Variants in RALYL observed in about 807,000 individuals in gnomAD.
RALYL encodes the protein RNA-binding Raly-like protein.
A neutral mutation model predicts 35.1 loss-of-function variants in RALYL; 29 were observed. The ratio of observed to expected loss-of-function variants is 0.83; its 90% CI spans 0.61 to 1.13. RALYL has a LOEUF of 1.13. Among genes scored for constraint, RALYL ranks in the 50% most tolerant of loss-of-function variants. The probability of loss-of-function intolerance (pLI) is 0.00; values close to 1 mark genes in which losing one functional copy is unlikely to be tolerated. For missense variants in RALYL, 359 were observed against 360.4 expected (o/e 1.00, Z 0.03); for synonymous variants, 120 against 127.6 (o/e 0.94, Z 0.40).
intron 1 of RALYL, among the ~76,000 whole-genome samples, chr8:84,216,833 T>C (rs1586255025): frequency 6.6e-6 from 1 of 152,150 alleles, no homozygotes; most frequent in African/African-American, 2.4e-5. Flanking sequence ...GGCTACCAAA[T>C]TGGAAATAGC....
chr8:84,898,797 T>G (rs1845184346), intron 8 of RALYL, among the ~76,000 whole-genome samples: 1 of 152,186 alleles, frequency 6.6e-6, no homozygotes. Flanking sequence ...AACACCCACT[T>G]TTATTTCACT....
intron 1 of RALYL, among the ~76,000 whole-genome samples, chr8:84,213,433 A>G (rs1399271435): frequency 1.3e-5 from 2 of 152,224 alleles, no homozygotes; most frequent in Non-Finnish European, 2.9e-5. Flanking sequence ...TTAAAAAGCA[A>G]AAAAGAAAGT....
intron 4 of RALYL, among the ~76,000 whole-genome samples, chr8:84,849,726 T>TAAGGA (rs1835434514): frequency 6.6e-6 from 1 of 152,150 alleles, no homozygotes; most frequent in African/African-American, 2.4e-5. Context: ...TTAACTTATT[T>TAAGGA]ATTTTGCTAC....
At chr8:84,588,262 C>T (rs1812434381) in intron 2 of RALYL, among the ~76,000 whole-genome samples, 1 of 152,028 alleles carries the variant, frequency 6.6e-6, no homozygotes, top group Non-Finnish European at 1.5e-5. Context: ...CACCTTTTTG[C>T]CAAGCTGTGA....
chr8:84,650,973 A>G (rs944442428), intron 2 of RALYL, among the ~76,000 whole-genome samples: 5 of 152,018 alleles, frequency 3.3e-5, no homozygotes, highest in Admixed American at 6.6e-5. Context: ...TCACAAGAAC[A>G]AAAAACCAAA....
At chr8:84,707,906 C>T (rs936839724) in intron 2 of RALYL, among the ~76,000 whole-genome samples, 7 of 152,040 alleles carry the variant, frequency 4.6e-5, no homozygotes, top group African/African-American at 1.7e-4. Context: ...CAGGGCATTT[C>T]CATTTTCAGT....
intron 1 of RALYL, among the ~76,000 whole-genome samples, chr8:84,251,003 A>C (rs1281309832): frequency 6.6e-6 from 1 of 152,088 alleles, no homozygotes; most frequent in Admixed American, 6.6e-5. Flanking sequence ...TTCAATATTA[A>C]ATAGGTTCTT....
At chr8:84,426,438 CTGTGTGTGTGTG>C (rs71271987) in intron 1 of RALYL, among the ~76,000 whole-genome samples, 10 of 136,110 alleles carry the variant, frequency 7.3e-5, no homozygotes, top group Non-Finnish European at 9.4e-5. Context: ...CTCTCTCTCT[CTGTGTGTGTGTG>C]TGTGTGTGTG....
rs570063753 is a variant in RALYL, at chr8:84,670,851, A to G, written c.257-103728A>G. 4.6e-5 allele frequency among the ~76,000 whole-genome samples: 7 copies of G among 152,246 alleles called. No individual in the cohort carries two copies. The South Asian group carries it at 1.5e-3, about 32-fold the overall frequency. On this transcript the variant is annotated intron_variant, in intron 2 of 8. Coordinates refer to ENST00000521268, the MANE Select transcript of RALYL (RefSeq NM_173848.7). ...TCATATCATTCTGCCTCTGGCCCCT[A>G]TCAAATGTCATATCCTCACATTTCA...
chr8:84,855,415 T>G (rs1402468002), intron 5 of RALYL, among the ~76,000 whole-genome samples: 1 of 152,216 alleles, frequency 6.6e-6, no homozygotes, highest in Non-Finnish European at 1.5e-5. Context: ...CTTAGAAAAC[T>G]TCTTTACACA....
At chr8:84,200,656 C>T (rs1816626547) in intron 1 of RALYL, among the ~76,000 whole-genome samples, 1 of 151,990 alleles carries the variant, frequency 6.6e-6, no homozygotes, top group South Asian at 2.1e-4. Context: ...AAAGCTTGAA[C>T]AAATAGGATT....
chr8:84,554,773 A>C (rs374979247), intron 2 of RALYL, among the ~76,000 whole-genome samples: 2 of 152,214 alleles, frequency 1.3e-5, no homozygotes, highest in African/African-American at 4.8e-5. Context: ...AGGACGAATA[A>C]TACTATATAA....
At chr8:84,621,049 T>C (rs1418456504) in intron 2 of RALYL, among the ~76,000 whole-genome samples, 1 of 152,156 alleles carries the variant, frequency 6.6e-6, no homozygotes, top group Admixed American at 6.5e-5. Flanking sequence ...GTCTTTTTGT[T>C]TGTGCCCTGC....
At chr8:84,448,438 A>G (rs1464293825) in intron 1 of RALYL, among the ~76,000 whole-genome samples, 1 of 152,042 alleles carries the variant, frequency 6.6e-6, no homozygotes, top group Non-Finnish European at 1.5e-5. Flanking sequence ...AGTTTTTAAA[A>G]AGATACCTAT....
rs1383761035 is a variant in RALYL, at chr8:84,907,334, A to C, written c.859-13560A>C. Among the ~76,000 whole-genome samples the C allele has an allele frequency of 2.2e-4, 34 of 152,032 alleles. No homozygotes were observed. In the East Asian group the frequency reaches 6.6e-3, roughly 29 times the overall value. ...GTCACACACACACACACACACACAC[A>C]CACACACACACACACACAGTGAAAA... is the stretch of plus-strand genomic sequence containing the variant. On this transcript the variant is annotated intron_variant, in intron 8 of 8. Coordinates refer to ENST00000521268, the MANE Select transcript of RALYL (RefSeq NM_173848.7).
At chr8:84,263,011 G>C (rs1007816318) in intron 1 of RALYL, among the ~76,000 whole-genome samples, 1 of 152,062 alleles carries the variant, frequency 6.6e-6, no homozygotes, top group Non-Finnish European at 1.5e-5. Flanking sequence ...AGTGTTTCTA[G>C]CTGTAATTTG....
intron 1 of RALYL, among the ~76,000 whole-genome samples, chr8:84,250,897 T>C (rs1390712099): frequency 1.3e-5 from 2 of 152,190 alleles, no homozygotes; most frequent in Non-Finnish European, 2.9e-5. Flanking sequence ...CTAAAAGTTA[T>C]ACTTTGGAAC....
At chr8:84,684,294 T>C (rs1406674484) in intron 2 of RALYL, among the ~76,000 whole-genome samples, 1 of 152,184 alleles carries the variant, frequency 6.6e-6, no homozygotes, top group Non-Finnish European at 1.5e-5. Flanking sequence ...TGCTGACCAT[T>C]TATGTTTATT....
chr8:84,410,506 T>A (rs879917212), intron 1 of RALYL, among the ~76,000 whole-genome samples: 2 of 151,926 alleles, frequency 1.3e-5, no homozygotes, highest in Non-Finnish European at 2.9e-5. Context: ...TTTAAAAAAA[T>A]CCCTCTTTTC....
Sources: gnomAD v4.1 joint callset for allele counts (sites outside exome capture counted in the v4.1 genomes callset) on GRCh38, gnomAD v4.1.1 for gene constraint, MANE v1.5 for transcripts, NCBI Gene and HGNC (gene_info 2026-07-23, HGNC 2026-07-21) for gene names.